The following PLCB4 variants were observed in gnomAD, a reference collection of about 807,000 sequenced individuals.
The protein encoded by PLCB4 is 1-phosphatidylinositol 4,5-bisphosphate phosphodiesterase beta-4.
Under a neutral mutation model 178.8 loss-of-function variants are expected in PLCB4, and 77 were observed. The ratio of observed to expected loss-of-function variants is 0.43; its 90% CI spans 0.36 to 0.52. PLCB4 has a LOEUF of 0.52. Ranked by LOEUF, PLCB4 falls within the 20% of genes least tolerant of loss-of-function variation. PLCB4 has a pLI of 0.00. For missense variants in PLCB4, 1,024 were observed against 1,453.4 expected, an observed-to-expected ratio of 0.70 and a Z score of 4.80; for synonymous variants, 496 against 490.8, an observed-to-expected ratio of 1.01 and a Z score of -0.14.
At chr20:9,223,286 G>A (rs186049851) in intron 3 of PLCB4, among the ~76,000 whole-genome samples, 5 of 152,220 alleles carry the variant, frequency 3.3e-5, no homozygotes, top group African/African-American at 9.6e-5. Flanking sequence ...TCAAAGAGTC[G>A]AATTTTGCAG....
chr20:9,118,409 CT>C (rs2091854827), intron 2 of PLCB4, among the ~76,000 whole-genome samples: 1 of 150,258 alleles, frequency 6.7e-6, no homozygotes, highest in South Asian at 2.1e-4. Flanking sequence ...ATAAAAATAA[CT>C]TTAAAAAGTT....
chr20:9,229,361 C>A (rs558755359), intron 3 of PLCB4, among the ~76,000 whole-genome samples: 28 of 152,164 alleles, frequency 1.8e-4, no homozygotes, highest in Non-Finnish European at 3.2e-4. Context: ...ATTTTTTAGC[C>A]ACTAAAATTG....
Position 9,322,117 on chromosome 20 carries a change from A to ATTTTT in PLCB4, c.84+14237_84+14241dup, listed in dbSNP as rs749496709. ...CAGGCAGAGCCACCACACCCAGGTA[A>ATTTTT]TTTTTTTTTTTTTTTTTTTTTTGTA... On this transcript the variant is annotated intron_variant, in intron 4 of 39. Transcript: ENST00000378473. 5.4e-4 allele frequency among the ~76,000 whole-genome samples: 63 copies of ATTTTT among 116,590 alleles called. No homozygotes were observed. In the East Asian group the frequency reaches 9.6e-3, roughly 18 times the overall value. 76.5% of individuals were successfully genotyped at this position (116,590 alleles called of 152,430 possible).
At chr20:9,261,513 T>C (rs530836515) in intron 3 of PLCB4, among the ~76,000 whole-genome samples, 2 of 152,342 alleles carry the variant, frequency 1.3e-5, no homozygotes, top group Admixed American at 1.3e-4. Context: ...CATTGAATGT[T>C]CTTCATAAGC....
At chr20:9,349,323 C>T (rs1381013610) in intron 7 of PLCB4, among the ~76,000 whole-genome samples, 4 of 152,132 alleles carry the variant, frequency 2.6e-5, no homozygotes, top group Admixed American at 6.5e-5. Context: ...CGCTGATAAC[C>T]ACTCTAATGA....
Position 9,478,927 on chromosome 20 carries a change from G to A in PLCB4, c.3539G>A (p.Gly1180Glu). Residue 1180 changes from glycine to glutamate, a missense_variant, in exon 40 of 40, where the codon GGA becomes GAA. Gly to Glu is a moderately conservative substitution (Grantham distance 98, BLOSUM62 -2). Coordinates refer to ENST00000378473, the MANE Select transcript of PLCB4 (RefSeq NM_001377142.1). ...CATGTTTCTGATGTTATAGGCGAAG[G>A]AGATGCAGCAGATGGTGAAATTGGA... ...CHAVSQTQGE[G>E]DAADGEIGSR... is the part of the protein sequence containing the mutation. The A allele has an allele frequency of 6.2e-7, 1 of 1,612,984 alleles. No homozygotes were observed. Among genetic ancestry groups the A allele is most frequent in the Admixed American group, 1.7e-5 (1 of 59,974 alleles).
chr20:9,464,016 A>G (rs997229654), intron 35 of PLCB4, among the ~76,000 whole-genome samples: 6 of 152,096 alleles, frequency 3.9e-5, no homozygotes, highest in African/African-American at 1.4e-4. Flanking sequence ...TAAAATTGAC[A>G]ACATAATTGG....
intron 2 of PLCB4, among the ~76,000 whole-genome samples, chr20:9,120,631 G>A (rs898651296): frequency 2.0e-5 from 3 of 152,026 alleles, no homozygotes; most frequent in Admixed American, 6.5e-5. Flanking sequence ...GCTTCCTAAT[G>A]GGTTTCCCCA....
At chr20:9,100,179 G>A (rs1221079156) in intron 2 of PLCB4, among the ~76,000 whole-genome samples, 1 of 152,142 alleles carries the variant, frequency 6.6e-6, no homozygotes, top group Non-Finnish European at 1.5e-5. Context: ...GGAGGACCAT[G>A]GTGGCAGGTC....
chr20:9,366,207 T>G (rs975445200), intron 9 of PLCB4, among the ~76,000 whole-genome samples: 1 of 151,512 alleles, frequency 6.6e-6, no homozygotes, highest in Admixed American at 6.6e-5. Context: ...GCTAACACAG[T>G]GAAACTCCGT....
At chr20:9,327,240 T>C (rs11904978) in intron 4 of PLCB4, among the ~76,000 whole-genome samples, 3,401 of 149,874 alleles carry the variant, frequency 0.023, 133 homozygotes, top group African/African-American at 0.08. Context: ...GGAGTTCGAG[T>C]TCAGCCTGGA....
In PLCB4 at chr20:9,090,874, G is replaced by A. The variant is rs1371723113; in HGVS notation, c.-134-5413G>A. ...AGTTTTCATCAACTTCAAAGAGGTA[G>A]TAGTTATTCAATGCAAAGTATTAGA... is the stretch of plus-strand genomic sequence containing the variant. On this transcript the variant is annotated intron_variant, in intron 1 of 39. Transcript: ENST00000378473. Among the ~76,000 whole-genome samples, 3 of 152,152 alleles carry A rather than the reference G, an allele frequency of 2.0e-5. No homozygotes were observed. In the East Asian group the frequency reaches 5.8e-4, roughly 29 times the overall value.
intron 21 of PLCB4, 141 bp from the exon 22 acceptor site, chr20:9,407,776 C>A: frequency 1.7e-6 from 1 of 605,004 alleles, no homozygotes; most frequent in Non-Finnish European, 2.8e-6. Context: ...TTAAAGTATC[C>A]TTTAGCATAA....
intron 39 of PLCB4, among the ~76,000 whole-genome samples, chr20:9,478,171 A>G (rs1449357147): frequency 1.3e-5 from 2 of 152,268 alleles, no homozygotes; most frequent in African/African-American, 4.8e-5. Flanking sequence ...AGTATTTCTC[A>G]CCAGACACTG....
rs987679788 is a variant in PLCB4 at position 9,146,491 on chromosome 20, C to T, written c.-79+50149C>T. 9.2e-5 allele frequency among the ~76,000 whole-genome samples: 14 copies of T among 152,222 alleles called. 2 individuals are homozygous for T. The highest frequency in any genetic ancestry group is 1.2e-4 in the African/African-American group (5 of 41,552). On this transcript the variant is annotated intron_variant, in intron 2 of 39. Transcript: ENST00000378473. ...TTAAAAGGTAAAATAGTCACATTAACATTTTAAAGAATTTATTCGTGTAGA... is the reference window on the plus strand; with the variant it reads ...TTAAAAGGTAAAATAGTCACATTAATATTTTAAAGAATTTATTCGTGTAGA...
At chr20:9,398,140 A>G (rs776034014) in intron 19 of PLCB4, among the ~76,000 whole-genome samples, 1 of 152,220 alleles carries the variant, frequency 6.6e-6, no homozygotes, top group African/African-American at 2.4e-5. Flanking sequence ...CTCAAGAGGC[A>G]GGAAGCAGAA....
intron 2 of PLCB4, among the ~76,000 whole-genome samples, chr20:9,191,135 A>C (rs2093396828): frequency 6.6e-6 from 1 of 152,192 alleles, no homozygotes; most frequent in Admixed American, 6.5e-5. Flanking sequence ...ATAGAACACA[A>C]ACATGAACCT....
intron 2 of PLCB4, among the ~76,000 whole-genome samples, chr20:9,163,183 C>G (rs2092916722): frequency 6.6e-6 from 1 of 152,016 alleles, no homozygotes; most frequent in Non-Finnish European, 1.5e-5. Context: ...AAGAAACTAA[C>G]TAAATTGGGA....
At chr20:9,134,367 T>C (rs1015897439) in intron 2 of PLCB4, among the ~76,000 whole-genome samples, 1 of 151,898 alleles carries the variant, frequency 6.6e-6, no homozygotes, top group Admixed American at 6.6e-5. Context: ...AGTAATAAAT[T>C]AGTACTTCTA....
Sources: gnomAD v4.1 joint callset for allele counts (sites outside exome capture counted in the v4.1 genomes callset) on GRCh38, gnomAD v4.1.1 for gene constraint, MANE v1.5 for transcripts, NCBI Gene and HGNC (gene_info 2026-07-23, HGNC 2026-07-21) for gene names.